ADAM12: variants seen among roughly 807,000 people sequenced by gnomAD.
ADAM12 encodes the protein disintegrin and metalloproteinase domain-containing protein 12.
In ADAM12, 70 loss-of-function variants were observed where a neutral mutation model predicts 106.4. That is an observed-to-expected ratio of 0.66 (90% CI 0.54 to 0.80). The LOEUF is 0.80. Among genes scored for constraint, ADAM12 ranks in the 30% least tolerant of loss-of-function variants. The pLI is 0.00. For synonymous variants in ADAM12, 420 were observed against 433.5 expected, an observed-to-expected ratio of 0.97 and a Z score of 0.39; for missense variants, 1,010 against 1,171.9, an observed-to-expected ratio of 0.86 and a Z score of 2.02.
intron 22 of ADAM12, among the ~76,000 whole-genome samples, chr10:126,018,120 T>C (rs1446277443): frequency 1.3e-5 from 2 of 152,268 alleles, no homozygotes; most frequent in African/African-American, 2.4e-5. Context: ...GCTCTTTCTT[T>C]CACGGGCCAA....
intron 3 of ADAM12, among the ~76,000 whole-genome samples, chr10:126,212,546 CTTTAT>C (rs140637903): frequency 0.02 from 3,019 of 151,740 alleles, 122 homozygotes; most frequent in East Asian, 0.12. Context: ...CTTCATTCCT[CTTTAT>C]TTTATTTTAT....
At chr10:126,335,075 C>A (rs1202435174) in intron 1 of ADAM12, among the ~76,000 whole-genome samples, 1 of 152,218 alleles carries the variant, frequency 6.6e-6, no homozygotes, top group Non-Finnish European at 1.5e-5. Context: ...TCTTAGATAT[C>A]AGAATCCAAG....
At chr10:126,322,515 A>G (rs1308680312) in intron 2 of ADAM12, among the ~76,000 whole-genome samples, 1 of 152,178 alleles carries the variant, frequency 6.6e-6, no homozygotes, top group Admixed American at 6.5e-5. Context: ...ATGCTGCTAC[A>G]CATCCAGGAA....
chr10:126,359,017 G>A (rs1028584626), intron 1 of ADAM12, among the ~76,000 whole-genome samples: 4 of 152,198 alleles, frequency 2.6e-5, no homozygotes, highest in Non-Finnish European at 5.9e-5. Flanking sequence ...AAGGCAAGGA[G>A]GAGCAAGTCA....
At position 126,106,193 on chromosome 10, in the gene ADAM12, G is replaced by C. The variant is rs568813552; in HGVS notation, c.741+2400C>G. Among the ~76,000 whole-genome samples the C allele has an allele frequency of 3.9e-5, 6 of 152,252 alleles. No homozygotes were observed. In the East Asian group the frequency reaches 7.7e-4, roughly 20 times the overall value. On this transcript the variant is annotated intron_variant, in intron 8 of 22. Coordinates refer to ENST00000448723, the MANE Select transcript of ADAM12 (RefSeq NM_001288973.2). ...CCCGGGACTCACAGTAGGGGGAGTA[G>C]AGTCAAAGCCAAGAGCCCCTGCTGC...
intron 2 of ADAM12, among the ~76,000 whole-genome samples, chr10:126,318,006 A>C (rs1853946884): frequency 6.6e-6 from 1 of 151,994 alleles, no homozygotes. Flanking sequence ...TATTTCCCAC[A>C]CTCTGTCAGC....
intron 3 of ADAM12, among the ~76,000 whole-genome samples, chr10:126,195,757 T>C (rs1023075069): frequency 1.3e-5 from 2 of 152,218 alleles, no homozygotes; most frequent in Admixed American, 6.5e-5. Context: ...ATTGTTGAAT[T>C]CTTAGACACC....
Position 126,043,160 on chromosome 10 carries a change from G to C in ADAM12, c.1996-12C>G, listed in dbSNP as rs753952865. 3 of 1,613,290 alleles carry C rather than the reference G, an allele frequency of 1.9e-6. No individual in the cohort carries two copies. Among genetic ancestry groups the C allele is most frequent in the African/African-American group, 1.3e-5 (1 of 75,050 alleles). ...CTGTTGTTGCACACCTTTCAGGGCA[G>C]AGGGGAGGGACGTGGGGTTAGGGCA... On this transcript the variant is annotated splice_polypyrimidine_tract_variant and intron_variant, in intron 17 of 22. Transcript: ENST00000448723. The surrounding 1 kb of genome is among the most constrained non-coding windows in gnomAD (Gnocchi z 4.1).
chr10:126,123,648 G>GT (rs1423233653), intron 5 of ADAM12, among the ~76,000 whole-genome samples: 1 of 152,182 alleles, frequency 6.6e-6, no homozygotes, highest in Non-Finnish European at 1.5e-5. Context: ...CTCCCGCCAT[G>GT]ACCCCACTGT....
intron 2 of ADAM12, among the ~76,000 whole-genome samples, chr10:126,286,531 T>C (rs192636929): frequency 7.0e-4 from 106 of 152,336 alleles, no homozygotes; most frequent in African/African-American, 2.5e-3. Flanking sequence ...AATAAATGCT[T>C]CAGGCTGCAG....
intron 3 of ADAM12, among the ~76,000 whole-genome samples, chr10:126,221,358 C>A (rs1202679542): frequency 7.0e-6 from 1 of 143,630 alleles, no homozygotes; most frequent in Non-Finnish European, 1.5e-5. Context: ...TCACTGGACT[C>A]CAGCCTGGGC....
rs116935040 is a variant in ADAM12, at chr10:126,373,333, T to C, written c.88+14725A>G. Among the ~76,000 whole-genome samples, 1,485 of 152,248 alleles carry C rather than the reference T, an allele frequency of 9.8e-3. 10 individuals are homozygous for C. The highest frequency in any genetic ancestry group is 0.016 in the Non-Finnish European group (1,082 of 68,014). ...TCATTTTGCCTCCGCCAGAGGGAGA[T>C]GGGAACAGCTGATGGCTTCACCCCC... On this transcript the variant is annotated intron_variant, in intron 1 of 22. Transcript: ENST00000448723.
intron 3 of ADAM12, among the ~76,000 whole-genome samples, chr10:126,155,861 A>G (rs1676725): frequency 0.43 from 66,022 of 151,994 alleles, 14,934 homozygotes; most frequent in East Asian, 0.77. Context: ...TAAAAGCAGC[A>G]ATGTATGTAT....
At chr10:126,180,457 C>A (rs576324236) in intron 3 of ADAM12, among the ~76,000 whole-genome samples, 1 of 152,064 alleles carries the variant, frequency 6.6e-6, no homozygotes, top group East Asian at 1.9e-4. Flanking sequence ...TGGCATGTAA[C>A]GTTTATTGCT....
chr10:126,065,067 C>A (rs1331168324), intron 13 of ADAM12, 66 bp from the exon 14 acceptor site: 10 of 1,501,130 alleles, frequency 6.7e-6, no homozygotes, highest in Non-Finnish European at 9.0e-6. Context: ...CTCAGCATTA[C>A]TCCTGGGCTG....
At chr10:126,037,174 G>GTA (rs1954075265) in intron 20 of ADAM12, among the ~76,000 whole-genome samples, 1 of 151,742 alleles carries the variant, frequency 6.6e-6, no homozygotes, top group African/African-American at 2.4e-5. Context: ...CCTCAATGTT[G>GTA]TATACATCAA....
At chr10:126,268,134 G>A (rs2366473) in intron 3 of ADAM12, among the ~76,000 whole-genome samples, 3 of 152,032 alleles carry the variant, frequency 2.0e-5, no homozygotes, top group Admixed American at 6.5e-5. Flanking sequence ...AACCCTCCAG[G>A]CCCCGGTAAC....
rs1956390994 is a variant in ADAM12, at chr10:126,135,612, C to T, written c.388G>A (p.Val130Ile). The T allele has an allele frequency of 1.9e-6, 3 of 1,614,238 alleles. No homozygotes were observed. Among genetic ancestry groups the T allele is most frequent in the South Asian group, 1.1e-5 (1 of 91,086 alleles). Reference sequence around the variant, plus strand: ...AGACCAGAACACGTGCTGAGACTGACTGCTGAATCAGAATATCCCCGTACA... The same window carrying T: ...AGACCAGAACACGTGCTGAGACTGATTGCTGAATCAGAATATCCCCGTACA... ...GHVRGYSDSA[V>I]SLSTCSGLRG... Residue 130 changes from valine (V) to isoleucine (I), a missense_variant, in exon 5 of 23, where the codon GTC becomes ATC. By Grantham distance (29) the Val-to-Ile change is conservative. Around this residue, in one of 3 missense-constraint regions of ADAM12, gnomAD observed 391 missense variants for 442.9 expected, o/e 0.88. Transcript: ENST00000448723.
At chr10:126,387,855 G>C (rs1166116130) in intron 1 of ADAM12, among the ~76,000 whole-genome samples, 1 of 146,298 alleles carries the variant, frequency 6.8e-6, no homozygotes, top group Non-Finnish European at 1.5e-5. Flanking sequence ...GGGGCTGCGG[G>C]CCAAGTGTCG....
Sources: gnomAD v4.1 joint callset for allele counts (sites outside exome capture counted in the v4.1 genomes callset) on GRCh38, gnomAD v4.1.1 for gene constraint, gnomAD v4.1.1 regional missense constraint, Gnocchi (gnomAD v3.1) non-coding constraint, MANE v1.5 for transcripts, NCBI Gene and HGNC (gene_info 2026-07-23, HGNC 2026-07-21) for gene names.